VTI1A: variants seen among roughly 807,000 people sequenced by gnomAD.
The protein encoded by VTI1A is vesicle transport through interaction with t-SNAREs homolog 1A.
In VTI1A, 22 loss-of-function variants were observed where a neutral mutation model predicts 34.9. The observed-to-expected ratio is 0.63, with a 90% CI of 0.45 to 0.90. The LOEUF (loss-of-function observed/expected upper bound fraction) is 0.90. Among genes scored for constraint, VTI1A ranks in the 40% least tolerant of loss-of-function variants. The probability of loss-of-function intolerance (pLI) is 0.00; values close to 1 mark genes in which losing one functional copy is unlikely to be tolerated. For missense variants in VTI1A, 268 were observed against 275.6 expected, an observed-to-expected ratio of 0.97 and a Z score of 0.20; for synonymous variants, 87 against 97.3, an observed-to-expected ratio of 0.89 and a Z score of 0.62.
At chr10:112,736,940 G>A in intron 7 of VTI1A, 1 of 623,726 alleles carries the variant, frequency 1.6e-6, no homozygotes, top group Middle Eastern at 2.5e-4. Flanking sequence ...GCTATCAAAG[G>A]GGAAACTGAC....
rs1850258268 is a variant in VTI1A at position 112,527,112 on chromosome 10, A to G, written c.290A>G (p.Asp97Gly). 6.2e-7 allele frequency: 1 copy of G among 1,613,502 alleles called. No homozygotes were observed. Among genetic ancestry groups the G allele is most frequent in the Admixed American group, 1.7e-5 (1 of 59,942 alleles). ...AAAAGGTCACGGATCGCCTACAGTG[A>G]CGAAGTACGGAATGAGCTCCTGGGG... ...DFKRSRIAYS[D>G]EVRNELLGDD... Residue 97 changes from aspartate to glycine, a missense_variant, in exon 4 of 8, where the codon GAC becomes GGC. Transcript: ENST00000393077.
In VTI1A at chr10:112,592,911, T is replaced by C. The variant is rs11196009; in HGVS notation, c.427+54581T>C. Among the ~76,000 whole-genome samples the C allele has an allele frequency of 4.6e-3, 704 of 152,318 alleles. 2 individuals carry two copies. The highest frequency in any genetic ancestry group is 0.01 in the Middle Eastern group (3 of 294). Reference sequence around the variant, plus strand: ...CGTTCCATGAAGGAAAGTGATATGGTGCTGTGAAGACTATAATCAGGAGCG... The same window carrying C: ...CGTTCCATGAAGGAAAGTGATATGGCGCTGTGAAGACTATAATCAGGAGCG... On this transcript the variant is annotated intron_variant, in intron 5 of 7. Coordinates refer to ENST00000393077, the MANE Select transcript of VTI1A (RefSeq NM_145206.4).
At chr10:112,637,695 C>G (rs1241506706) in intron 5 of VTI1A, among the ~76,000 whole-genome samples, 2 of 151,846 alleles carry the variant, frequency 1.3e-5, no homozygotes, top group African/African-American at 4.8e-5. Context: ...CTCTCTTTTT[C>G]TTTAGCATTT....
chr10:112,665,972 G>T (rs1847626978), intron 5 of VTI1A, among the ~76,000 whole-genome samples: 1 of 152,072 alleles, frequency 6.6e-6, no homozygotes, highest in Non-Finnish European at 1.5e-5. Context: ...AATAATTGCA[G>T]TGTTCATGGT....
At chr10:112,498,500 T>C (rs1849107760) in intron 3 of VTI1A, among the ~76,000 whole-genome samples, 1 of 151,810 alleles carries the variant, frequency 6.6e-6, no homozygotes, top group East Asian at 1.9e-4. Flanking sequence ...CCTTACTTCT[T>C]AGAGTTCCTA....
At chr10:112,541,256 A>T (rs1850858979) in intron 5 of VTI1A, among the ~76,000 whole-genome samples, 1 of 152,186 alleles carries the variant, frequency 6.6e-6, no homozygotes, top group Non-Finnish European at 1.5e-5. Flanking sequence ...GGAGAGAGAG[A>T]AAAACCACAT....
chr10:112,653,932 CA>C (rs1467278653), intron 5 of VTI1A, among the ~76,000 whole-genome samples: 1 of 152,128 alleles, frequency 6.6e-6, no homozygotes, highest in African/African-American at 2.4e-5. Context: ...AAAGTCTATT[CA>C]GATATAATTA....
intron 5 of VTI1A, among the ~76,000 whole-genome samples, chr10:112,574,772 A>G (rs1013552330): frequency 1.3e-5 from 2 of 152,218 alleles, no homozygotes; most frequent in Non-Finnish European, 2.9e-5. Context: ...GTGTAGGTGG[A>G]TGCATTGGGT....
At chr10:112,691,067 A>G (rs1276885326) in intron 7 of VTI1A, among the ~76,000 whole-genome samples, 1 of 152,016 alleles carries the variant, frequency 6.6e-6, no homozygotes, top group Non-Finnish European at 1.5e-5. Context: ...CAGGAATTCA[A>G]GAACAGGCTG....
In VTI1A at chr10:112,703,914, T is replaced by A. The variant is rs1167612012; in HGVS notation, c.560+34916T>A. Reference sequence around the variant, plus strand: ...TTCTGTCAAAATCCTTTCCAATTAGTGTTGAGGTCTTGAAGGGCCAAGCTT... The same window carrying A: ...TTCTGTCAAAATCCTTTCCAATTAGAGTTGAGGTCTTGAAGGGCCAAGCTT... On this transcript the variant is annotated intron_variant, in intron 7 of 7. Transcript: ENST00000393077. 3.3e-5 allele frequency among the ~76,000 whole-genome samples: 5 copies of A among 152,168 alleles called. No individual in the cohort carries two copies. The East Asian group carries it at 9.6e-4, about 29-fold the overall frequency.
intron 3 of VTI1A, among the ~76,000 whole-genome samples, chr10:112,481,710 G>A (rs1848463861): frequency 6.6e-6 from 1 of 152,148 alleles, no homozygotes; most frequent in Non-Finnish European, 1.5e-5. Flanking sequence ...AGGATGTGAT[G>A]GATAAATAGG....
downstream of VTI1A, among the ~76,000 whole-genome samples, chr10:112,822,788 C>T (rs777602264): frequency 3.9e-5 from 6 of 152,182 alleles, no homozygotes; most frequent in Non-Finnish European, 7.3e-5. Context: ...ATAATCTAGC[C>T]TTTCCCTGTT....
chr10:112,551,218 T>C (rs1459126586), intron 5 of VTI1A, among the ~76,000 whole-genome samples: 5 of 115,890 alleles, frequency 4.3e-5, no homozygotes, highest in Admixed American at 4.1e-4. Context: ...CACTCCAGCC[T>C]GGGCGGCACA....
At chr10:112,571,673 G>C (rs977773485) in intron 5 of VTI1A, among the ~76,000 whole-genome samples, 6 of 152,042 alleles carry the variant, frequency 3.9e-5, no homozygotes, top group Non-Finnish European at 8.8e-5. Flanking sequence ...TCTACCAAAA[G>C]GTAGAATGCA....
At chr10:112,555,454 T>C (rs531173255) in intron 5 of VTI1A, among the ~76,000 whole-genome samples, 2 of 152,282 alleles carry the variant, frequency 1.3e-5, no homozygotes, top group Admixed American at 6.5e-5. Context: ...AAAAACTCTT[T>C]CTATGTATGC....
chr10:112,722,568 G>A (rs1010754309), intron 7 of VTI1A, among the ~76,000 whole-genome samples: 1 of 152,096 alleles, frequency 6.6e-6, no homozygotes, highest in Non-Finnish European at 1.5e-5. Context: ...ACATGCTGTT[G>A]TTCTTTGTGA....
At chr10:112,560,597 C>CTTTTTT (rs1281971200) in intron 5 of VTI1A, among the ~76,000 whole-genome samples, 1 of 123,746 alleles carries the variant, frequency 8.1e-6, no homozygotes. Flanking sequence ...AATAGAAGTG[C>CTTTTTT]TTTTTTTTTT....
At chr10:112,634,045 A>G (rs1846248706) in intron 5 of VTI1A, 1 of 152,468 alleles carries the variant, frequency 6.6e-6, no homozygotes. Flanking sequence ...TGCAAGCATT[A>G]TATGAGCAAG....
At chr10:112,635,627 G>A (rs924288791) in intron 5 of VTI1A, among the ~76,000 whole-genome samples, 1 of 152,176 alleles carries the variant, frequency 6.6e-6, no homozygotes, top group Non-Finnish European at 1.5e-5. Flanking sequence ...CCAGTTAAGA[G>A]GCTTTTGCAC....
Sources: allele counts gnomAD v4.1 joint callset (sites outside exome capture counted in the v4.1 genomes callset), GRCh38; gene constraint gnomAD v4.1.1; transcripts MANE v1.5; gene names NCBI Gene and HGNC (gene_info 2026-07-23, HGNC 2026-07-21).